PTPRT: variants seen among roughly 807,000 people sequenced by gnomAD.
PTPRT encodes receptor-type tyrosine-protein phosphatase T.
A neutral mutation model predicts 176.8 loss-of-function variants in PTPRT; 56 were observed. The ratio of observed to expected loss-of-function variants is 0.32; its 90% CI spans 0.26 to 0.40. The LOEUF is 0.40. Among genes scored for constraint, PTPRT ranks in the 10% least tolerant of loss-of-function variants. The pLI, the probability that PTPRT is intolerant of heterozygous loss-of-function variation, is 1.00. For missense variants in PTPRT, 1,540 were observed against 1,908.2 expected, an observed-to-expected ratio of 0.81 and a Z score of 3.60; for synonymous variants, 783 against 739.0, an observed-to-expected ratio of 1.06 and a Z score of -0.96.
At chr20:42,792,959 C>A (rs572660410) in intron 2 of PTPRT, among the ~76,000 whole-genome samples, 1 of 152,182 alleles carries the variant, frequency 6.6e-6, no homozygotes, top group Non-Finnish European at 1.5e-5. Flanking sequence ...CTTGGACTTA[C>A]GGCCAAATTA....
At chr20:42,913,980 C>G (rs1292552421) in intron 1 of PTPRT, among the ~76,000 whole-genome samples, 1 of 152,144 alleles carries the variant, frequency 6.6e-6, no homozygotes. Context: ...TTGAATTTTC[C>G]TTACAATTGT....
chr20:42,335,342 C>T (rs1394409473), intron 11 of PTPRT, among the ~76,000 whole-genome samples: 1 of 152,144 alleles, frequency 6.6e-6, no homozygotes, highest in Non-Finnish European at 1.5e-5. Context: ...ACAGCACCTC[C>T]AGTCAACTTT....
intron 11 of PTPRT, among the ~76,000 whole-genome samples, chr20:42,344,705 G>A (rs1568793454): frequency 6.6e-6 from 1 of 152,128 alleles, no homozygotes; most frequent in African/African-American, 2.4e-5. Context: ...CTCAGAGAAG[G>A]ACAAACAGTT....
chr20:42,621,103 C>G (rs2074187278), intron 7 of PTPRT, among the ~76,000 whole-genome samples: 1 of 152,174 alleles, frequency 6.6e-6, no homozygotes, highest in Non-Finnish European at 1.5e-5. Flanking sequence ...ATTATGGGAG[C>G]TGCAAGATGA....
chr20:42,613,627 C>A (rs771347658), intron 7 of PTPRT, among the ~76,000 whole-genome samples: 3 of 152,154 alleles, frequency 2.0e-5, no homozygotes, highest in African/African-American at 4.8e-5. Flanking sequence ...TTAGCACAGA[C>A]CTGGAGGCTA....
intron 6 of PTPRT, among the ~76,000 whole-genome samples, chr20:42,707,085 C>G (rs2076071344): frequency 6.6e-6 from 1 of 152,182 alleles, no homozygotes; most frequent in African/African-American, 2.4e-5. Context: ...CTTCAGATTC[C>G]AAAAGGAGTC....
intron 2 of PTPRT, among the ~76,000 whole-genome samples, chr20:42,876,439 G>A (rs2078932583): frequency 6.6e-6 from 1 of 152,242 alleles, no homozygotes; most frequent in African/African-American, 2.4e-5. Flanking sequence ...ACATTCATGA[G>A]AGTGTGCCAG....
chr20:42,477,665 C>T (rs948409803), intron 7 of PTPRT, among the ~76,000 whole-genome samples: 1 of 152,160 alleles, frequency 6.6e-6, no homozygotes, highest in Non-Finnish European at 1.5e-5. Context: ...TACAGCCAAG[C>T]CTAGAGCCTA....
intron 7 of PTPRT, among the ~76,000 whole-genome samples, chr20:42,558,690 C>T (rs2072901673): frequency 2.0e-5 from 3 of 152,044 alleles, no homozygotes; most frequent in South Asian, 4.2e-4. Flanking sequence ...ACCCAACTCA[C>T]CCTCATGGAT....
intron 13 of PTPRT, among the ~76,000 whole-genome samples, chr20:42,257,656 C>CA: frequency 1.0e-5 from 1 of 99,066 alleles, no homozygotes; most frequent in Admixed American, 9.2e-5. Context: ...CCCCCCCCCC[C>CA]GCCCACTACT....
chr20:43,123,015 T>C (rs1011538438), intron 1 of PTPRT, among the ~76,000 whole-genome samples: 2 of 151,976 alleles, frequency 1.3e-5, no homozygotes, highest in African/African-American at 4.8e-5. Flanking sequence ...CCACCACACC[T>C]GGCTAATTTT....
chr20:42,095,163 T>C (rs1985071765), intron 27 of PTPRT, among the ~76,000 whole-genome samples: 1 of 152,204 alleles, frequency 6.6e-6, no homozygotes, highest in Admixed American at 6.5e-5. Context: ...GTCTGTTCTC[T>C]CTGCTTCCAT....
chr20:42,110,009 C>T (rs1034035738), intron 23 of PTPRT, among the ~76,000 whole-genome samples: 3 of 151,446 alleles, frequency 2.0e-5, no homozygotes, highest in African/African-American at 2.4e-5. Flanking sequence ...CCAAGAAAGC[C>T]GAGCTGCAGA....
At chr20:42,229,302 C>T (rs930522335) in intron 15 of PTPRT, among the ~76,000 whole-genome samples, 13 of 152,198 alleles carry the variant, frequency 8.5e-5, no homozygotes, top group African/African-American at 3.1e-4. Flanking sequence ...GCTGAAGAGC[C>T]ACACTGCTAG....
chr20:42,150,101 A>G (rs1170603453), intron 17 of PTPRT, among the ~76,000 whole-genome samples: 3 of 152,142 alleles, frequency 2.0e-5, no homozygotes, highest in Admixed American at 2.0e-4. Flanking sequence ...GGTTCTACTG[A>G]GCCAAACCAA....
chr20:42,347,988 G>T (rs1039712074), intron 11 of PTPRT, among the ~76,000 whole-genome samples: 1 of 152,146 alleles, frequency 6.6e-6, no homozygotes, highest in Non-Finnish European at 1.5e-5. Context: ...ACAGAGGTGT[G>T]GCTATCTTGT....
intron 13 of PTPRT, among the ~76,000 whole-genome samples, chr20:42,251,601 T>G (rs2056551968): frequency 6.6e-6 from 1 of 151,066 alleles, no homozygotes; most frequent in South Asian, 2.1e-4. Context: ...TCACCCCTAA[T>G]AGGGGTGAGT....
rs180780973 is a variant in PTPRT, at chr20:42,858,234, A to T, written c.214+27573T>A. ...TTGTTAAAATGGTAAGGAAGACATT[A>T]TTCAAGATTATTGCAATGGAGGAGA... On this transcript the variant is annotated intron_variant, in intron 2 of 30. Coordinates refer to ENST00000373187, the MANE Select transcript of PTPRT (RefSeq NM_007050.6). Among the ~76,000 whole-genome samples the T allele has an allele frequency of 3.5e-4, 54 of 152,364 alleles. No homozygotes were observed. The East Asian group carries it at 9.2e-3, about 26-fold the overall frequency.
chr20:42,411,515 C>G (rs925603574), intron 9 of PTPRT, among the ~76,000 whole-genome samples: 1 of 49,924 alleles, frequency 2.0e-5, no homozygotes, highest in African/African-American at 7.9e-5. Flanking sequence ...TAAACCCTGT[C>G]TCAAAAAAAA....
Sources: allele counts gnomAD v4.1 joint callset (sites outside exome capture counted in the v4.1 genomes callset), GRCh38; gene constraint gnomAD v4.1.1; transcripts MANE v1.5; gene names NCBI Gene and HGNC (gene_info 2026-07-23, HGNC 2026-07-21).